SOX5: variants seen among roughly 807,000 people sequenced by gnomAD.
SOX5 encodes the protein transcription factor SOX-5.
SOX5 carries 9 observed loss-of-function variants against 92.0 expected under a neutral mutation model. That is an observed-to-expected ratio of 0.10 (90% CI 0.06 to 0.17). SOX5 has a LOEUF of 0.17. Ranked by LOEUF, SOX5 falls within the 10% of genes least tolerant of loss-of-function variation. The pLI is 1.00. For synonymous variants in SOX5, 344 were observed against 336.3 expected (o/e 1.02, Z -0.25); for missense variants, 642 against 944.5 (o/e 0.68, Z 4.20).
intron 1 of SOX5, among the ~76,000 whole-genome samples, chr12:24,527,002 GTCTGC>G (rs1347649327): frequency 6.6e-6 from 1 of 151,772 alleles, no homozygotes; most frequent in African/African-American, 2.4e-5. Flanking sequence ...ATGGTGCCTA[GTCTGC>G]TCTCAAACTC....
At chr12:24,406,106 C>T (rs11047421) in intron 1 of SOX5, among the ~76,000 whole-genome samples, 48,746 of 151,864 alleles carry the variant, frequency 0.32, 8,680 homozygotes, top group East Asian at 0.54. Flanking sequence ...GAGAAGTGCC[C>T]GCAGCCTCTC....
At chr12:24,382,733 G>A (rs1272628053) in intron 1 of SOX5, among the ~76,000 whole-genome samples, 1 of 152,158 alleles carries the variant, frequency 6.6e-6, no homozygotes, top group Non-Finnish European at 1.5e-5. Flanking sequence ...GGTGAGAGGT[G>A]CTCAGATTCT....
At chr12:24,004,945 T>C (rs760749184) in intron 4 of SOX5, among the ~76,000 whole-genome samples, 18 of 152,136 alleles carry the variant, frequency 1.2e-4, no homozygotes, top group African/African-American at 4.3e-4. Context: ...AAGTAAAAAA[T>C]AGCCGATGCA....
chr12:24,307,794 G>GGAAGGAAGGAAGGAAGGAAGGAA (rs1948766559), intron 2 of SOX5, among the ~76,000 whole-genome samples: 1 of 108,156 alleles, frequency 9.2e-6, no homozygotes, highest in African/African-American at 3.9e-5. Context: ...GAAGGAAGGA[G>GGAAGGAAGGAAGGAAGGAAGGAA]GGAGGGAAGG....
chr12:23,942,347 T>A (rs1229136419), intron 1 of SOX5, among the ~76,000 whole-genome samples: 2 of 151,784 alleles, frequency 1.3e-5, no homozygotes, highest in Admixed American at 6.6e-5. Flanking sequence ...GTATTTCAAT[T>A]GTACTTAATA....
At chr12:23,926,136 C>G (rs1461666020) in intron 1 of SOX5, among the ~76,000 whole-genome samples, 2 of 152,056 alleles carry the variant, frequency 1.3e-5, no homozygotes, top group East Asian at 3.9e-4. Context: ...ATACTTTTTA[C>G]TGAAATTAGT....
chr12:23,598,950 C>T (rs1017510546), intron 9 of SOX5, among the ~76,000 whole-genome samples: 1 of 152,150 alleles, frequency 6.6e-6, no homozygotes, highest in Non-Finnish European at 1.5e-5. Context: ...TCTCGTACTG[C>T]TAGCATATTG....
rs944750329 is a variant in SOX5, at chr12:23,927,666, AT to A, written c.38+21897del. ...GACAAGTTATACCATCTATAACATCATTTTTTTTTTCTAAAAAAGAAACTAC... is the reference window on the plus strand; with the variant it reads ...GACAAGTTATACCATCTATAACATCATTTTTTTTTCTAAAAAAGAAACTAC... On this transcript the variant is annotated intron_variant, in intron 1 of 14. Coordinates refer to ENST00000451604, the MANE Select transcript of SOX5 (RefSeq NM_006940.6). 2.3e-3 allele frequency among the ~76,000 whole-genome samples: 350 copies of A among 149,972 alleles called. 1 individual carries two copies. The highest frequency in any genetic ancestry group is 7.6e-3 in the African/African-American group (311 of 40,978).
rs146289892 is a variant in SOX5, at chr12:23,987,648, C to A, written c.-1-91624G>T. Among the ~76,000 whole-genome samples the A allele has an allele frequency of 1.5e-3, 228 of 152,238 alleles. 1 individual carries two copies. Among genetic ancestry groups the A allele is most frequent in the African/African-American group, 5.3e-3 (221 of 41,552 alleles). On this transcript the variant is annotated intron_variant, in intron 4 of 4. Transcript: ENST00000446891. ...TCTCTACAAAAAGTACAAAAATTAG[C>A]CAGGCATGGTGCTGTGTGCCTATAG...
chr12:24,445,866 G>C (rs1025998977), intron 1 of SOX5, among the ~76,000 whole-genome samples: 1 of 152,148 alleles, frequency 6.6e-6, no homozygotes, highest in East Asian at 1.9e-4. Flanking sequence ...AACAGGGTTA[G>C]CTTTATTCTC....
intron 1 of SOX5, among the ~76,000 whole-genome samples, chr12:24,487,863 A>G (rs1286333382): frequency 6.6e-6 from 1 of 151,932 alleles, no homozygotes; most frequent in Non-Finnish European, 1.5e-5. Context: ...TTTTTCCCCA[A>G]AGACAAAAAC....
chr12:24,305,682 C>T (rs1948486684), intron 2 of SOX5, among the ~76,000 whole-genome samples: 1 of 152,214 alleles, frequency 6.6e-6, no homozygotes, highest in African/African-American at 2.4e-5. Context: ...ACTGTAACTT[C>T]TGCCTCCCAG....
intron 4 of SOX5, among the ~76,000 whole-genome samples, chr12:24,075,424 A>T (rs551495936): frequency 1.1e-4 from 16 of 152,214 alleles, no homozygotes; most frequent in Admixed American, 1.0e-3. Context: ...GGCTAAGTAT[A>T]AGAAATCCTA....
At chr12:24,154,988 G>A (rs1952021664) in intron 4 of SOX5, among the ~76,000 whole-genome samples, 1 of 152,092 alleles carries the variant, frequency 6.6e-6, no homozygotes, top group Non-Finnish European at 1.5e-5. Flanking sequence ...ACCACTGTGA[G>A]ACTACTTCCT....
At chr12:23,555,775 G>A (rs1189939266) in intron 11 of SOX5, among the ~76,000 whole-genome samples, 3 of 152,172 alleles carry the variant, frequency 2.0e-5, no homozygotes, top group Non-Finnish European at 4.4e-5. Flanking sequence ...AGTTACCACT[G>A]CTGGACGAAA....
intron 4 of SOX5, among the ~76,000 whole-genome samples, chr12:24,173,556 G>A (rs759914801): frequency 6.6e-6 from 1 of 152,080 alleles, no homozygotes; most frequent in Non-Finnish European, 1.5e-5. Flanking sequence ...CTTTCTACCT[G>A]GTAATCAGTG....
intron 2 of SOX5, among the ~76,000 whole-genome samples, chr12:24,359,823 GC>G (rs560602216): frequency 1.3e-3 from 201 of 152,246 alleles, no homozygotes; most frequent in African/African-American, 4.7e-3. Context: ...CATTTGAATA[GC>G]CTTGAAAACA....
At chr12:23,796,886 TATAA>T (rs1244496648) in intron 3 of SOX5, among the ~76,000 whole-genome samples, 3 of 135,474 alleles carry the variant, frequency 2.2e-5, no homozygotes, top group Admixed American at 7.6e-5. Context: ...TATAAATATA[TATAA>T]ATATTTATAT....
At chr12:24,408,661 G>C (rs565236065) in intron 1 of SOX5, among the ~76,000 whole-genome samples, 170 of 152,214 alleles carry the variant, frequency 1.1e-3, no homozygotes, top group African/African-American at 4.0e-3. Flanking sequence ...CTAAAGATTC[G>C]TCTAGGTTCA....
Sources: allele counts gnomAD v4.1 joint callset (sites outside exome capture counted in the v4.1 genomes callset), GRCh38; gene constraint gnomAD v4.1.1; transcripts MANE v1.5; gene names NCBI Gene and HGNC (gene_info 2026-07-23, HGNC 2026-07-21).